The following PICALM variants were observed in gnomAD, a reference collection of about 807,000 sequenced individuals.
The protein encoded by PICALM is phosphatidylinositol-binding clathrin assembly protein.
In PICALM, 40 loss-of-function variants were observed where a neutral mutation model predicts 80.5. The observed-to-expected ratio is 0.50, with a 90% CI of 0.39 to 0.65. The LOEUF (loss-of-function observed/expected upper bound fraction) is 0.65. Ranked by LOEUF, PICALM falls within the 30% of genes least tolerant of loss-of-function variation. The pLI is 0.00. For synonymous variants in PICALM, 288 were observed against 260.3 expected, an observed-to-expected ratio of 1.11 and a Z score of -1.02; for missense variants, 676 against 778.9, an observed-to-expected ratio of 0.87 and a Z score of 1.57.
At chr11:85,986,821 C>T (rs910794723) in intron 13 of PICALM, among the ~76,000 whole-genome samples, 1 of 152,178 alleles carries the variant, frequency 6.6e-6, no homozygotes, top group Admixed American at 6.5e-5. Flanking sequence ...AAAGAGCAGG[C>T]GCTGAGCTCT....
intron 1 of PICALM, among the ~76,000 whole-genome samples, chr11:86,048,167 G>A (rs1253002694): frequency 6.6e-6 from 1 of 152,164 alleles, no homozygotes; most frequent in African/African-American, 2.4e-5. Context: ...GCACCTTCAT[G>A]CAGTCAAGGA....
chr11:86,047,970 G>A (rs1283811582), intron 1 of PICALM, among the ~76,000 whole-genome samples: 10 of 151,900 alleles, frequency 6.6e-5, no homozygotes, highest in South Asian at 6.2e-4. Flanking sequence ...GCATGGTGGC[G>A]GGCACCTGTA....
At chr11:85,974,504 A>G (rs745324027) in intron 19 of PICALM, 7 of 686,218 alleles carry the variant, frequency 1.0e-5, no homozygotes, top group Admixed American at 7.1e-5. Flanking sequence ...TTCTGTCTTT[A>G]GTATTTGCTA....
At chr11:86,062,361 A>G (rs1234269864) in intron 1 of PICALM, among the ~76,000 whole-genome samples, 2 of 152,134 alleles carry the variant, frequency 1.3e-5, no homozygotes, top group Non-Finnish European at 2.9e-5. Flanking sequence ...TATCAAAAAT[A>G]CAAAAATTTA....
At chr11:86,069,271 A>G (rs1272405731), upstream of PICALM, 1 of 173,268 alleles carries the variant, frequency 5.8e-6, no homozygotes, top group Non-Finnish European at 1.3e-5. Context: ...AGGCGGGCGC[A>G]ACAGGAGGCC....
intron 1 of PICALM, among the ~76,000 whole-genome samples, chr11:86,068,367 G>T (rs2096476956): frequency 6.6e-6 from 1 of 152,196 alleles, no homozygotes; most frequent in Non-Finnish European, 1.5e-5. Context: ...AAGCAAGTTG[G>T]TTGGGTATGA....
intron 17 of PICALM, 35 bp from the exon 18 acceptor site, chr11:85,976,717 A>C: frequency 1.6e-6 from 2 of 1,288,206 alleles, no homozygotes; most frequent in Non-Finnish European, 2.3e-6. Context: ...ACAAGAAAGT[A>C]TAACTCATGT....
chr11:86,021,353 G>C (rs1463173642), intron 4 of PICALM, among the ~76,000 whole-genome samples: 1 of 152,036 alleles, frequency 6.6e-6, no homozygotes, highest in African/African-American at 2.4e-5. Flanking sequence ...ACAGGGCAAA[G>C]GGTTTGAAGA....
At chr11:86,000,143 GACA>G (rs150719026) in intron 11 of PICALM, among the ~76,000 whole-genome samples, 6 of 152,216 alleles carry the variant, frequency 3.9e-5, no homozygotes, top group African/African-American at 1.4e-4. Context: ...GCTTAAATTA[GACA>G]ACAAGATTAT....
intron 17 of PICALM, chr11:85,978,317 A>C (rs1031585172): frequency 3.5e-5 from 14 of 400,604 alleles, no homozygotes; most frequent in Non-Finnish European, 5.9e-5. Context: ...TTATATAAAA[A>C]ATAGTTTATT....
At chr11:85,970,674 G>A (rs922540293) in intron 19 of PICALM, among the ~76,000 whole-genome samples, 1 of 152,176 alleles carries the variant, frequency 6.6e-6, no homozygotes, top group African/African-American at 2.4e-5. Flanking sequence ...TGGGTGTGGT[G>A]GCGTGTGCCT....
chr11:86,036,769 A>C (rs1318867832), intron 1 of PICALM, among the ~76,000 whole-genome samples: 1 of 152,242 alleles, frequency 6.6e-6, no homozygotes, highest in East Asian at 1.9e-4. Context: ...CAAAAGTTAT[A>C]GTAAAGAAAA....
intron 2 of PICALM, 51 bp from the exon 3 acceptor site, chr11:86,026,418 T>C: frequency 9.3e-7 from 1 of 1,071,152 alleles, no homozygotes; most frequent in South Asian, 1.3e-5. Context: ...TCACCAACTC[T>C]AATTCGAAAA....
intron 1 of PICALM, among the ~76,000 whole-genome samples, chr11:86,061,330 C>CAAAAAAAAAAAAAAAA (rs58836221): frequency 3.7e-5 from 3 of 81,146 alleles, no homozygotes; most frequent in Non-Finnish European, 4.8e-5. Context: ...GACTCCATCT[C>CAAAAAAAAAAAAAAAA]AAAAAAAAAA....
intron 7 of PICALM, among the ~76,000 whole-genome samples, chr11:86,010,476 G>C (rs185131519): frequency 6.6e-6 from 1 of 152,008 alleles, no homozygotes; most frequent in Admixed American, 6.6e-5. Context: ...ACAAGTGCCC[G>C]CCTCCATGAC....
intron 4 of PICALM, among the ~76,000 whole-genome samples, chr11:86,018,438 A>G (rs1398131826): frequency 6.6e-6 from 1 of 152,248 alleles, no homozygotes; most frequent in South Asian, 2.1e-4. Flanking sequence ...ATGTATATAT[A>G]TCTCAATGAC....
chr11:86,033,373 C>T (rs1340706194), intron 1 of PICALM, among the ~76,000 whole-genome samples: 1 of 152,004 alleles, frequency 6.6e-6, no homozygotes, highest in African/African-American at 2.4e-5. Flanking sequence ...CTGTTCTTCC[C>T]CCCACTGCAT....
intron 13 of PICALM, among the ~76,000 whole-genome samples, chr11:85,986,668 G>C (rs946996303): frequency 6.6e-6 from 1 of 152,068 alleles, no homozygotes; most frequent in Admixed American, 6.5e-5. Context: ...GGGATTACAG[G>C]CGTGAGCCAC....
chr11:86,024,179 A>C (rs12287170), intron 3 of PICALM, among the ~76,000 whole-genome samples: 32,453 of 151,696 alleles, frequency 0.21, 3,820 homozygotes, highest in African/African-American at 0.25. Context: ...AGAAAAAAAA[A>C]ATTTTTTTTT....
Sources: gnomAD v4.1 joint callset for allele counts (sites outside exome capture counted in the v4.1 genomes callset) on GRCh38, gnomAD v4.1.1 for gene constraint, MANE v1.5 for transcripts, NCBI Gene and HGNC (gene_info 2026-07-23, HGNC 2026-07-21) for gene names.